The following HYDIN variants were observed in gnomAD, a reference collection of about 807,000 sequenced individuals.
HYDIN encodes the protein HYDIN axonemal central pair apparatus protein.
A neutral mutation model predicts 403.9 loss-of-function variants in HYDIN; 132 were observed. The ratio of observed to expected loss-of-function variants is 0.33; its 90% CI spans 0.28 to 0.38. The LOEUF (loss-of-function observed/expected upper bound fraction) is 0.38, where lower values mean the gene tolerates loss of function less well. Among genes scored for constraint, HYDIN ranks in the 10% least tolerant of loss-of-function variants. The pLI is 1.00. For synonymous variants in HYDIN, 1,202 were observed against 1,891.7 expected, an observed-to-expected ratio of 0.64 and a Z score of 9.46; for missense variants, 2,827 against 5,009.5, an observed-to-expected ratio of 0.56 and a Z score of 13.15.
At chr16:71,001,959 G>C (rs1426507256) in intron 23 of HYDIN, among the ~76,000 whole-genome samples, 1 of 152,232 alleles carries the variant, frequency 6.6e-6, no homozygotes, top group Non-Finnish European at 1.5e-5. Context: ...GATTACTAAT[G>C]AGGTGGAACA....
chr16:71,209,061 C>A (rs2088446503), intron 1 of HYDIN, among the ~76,000 whole-genome samples: 1 of 151,932 alleles, frequency 6.6e-6, no homozygotes, highest in Admixed American at 6.6e-5. Context: ...CAGCATCATC[C>A]TGATACCAAA....
chr16:70,956,607 A>C (rs1290263850), intron 39 of HYDIN, among the ~76,000 whole-genome samples: 2 of 152,132 alleles, frequency 1.3e-5, no homozygotes, highest in Non-Finnish European at 2.9e-5. Flanking sequence ...TCAACCATGG[A>C]AGTAGCAGGA....
chr16:70,837,785 G>A lies in HYDIN; in HGVS notation c.13147C>T (p.Arg4383Ter). ...AGTTCTTGATAGTTGATACTTTCTC[G>A]AGGATAAAAAGTTATTGGAATCTCC... ...TLEIPITFYP[R>*]ESINYQELIP... The change falls in exon 77 of 86, where the codon CGA becomes TGA. Residue 4383 changes from arginine (R) to a stop codon, truncating the protein, a stop_gained. Transcript: ENST00000393567. LOFTEE classifies it high-confidence loss of function. 1.9e-6 allele frequency: 3 copies of A among 1,613,898 alleles called. No individual in the cohort carries two copies. Among genetic ancestry groups the A allele is most frequent in the East Asian group, 2.2e-5 (1 of 44,880 alleles).
rs2041246430 is a variant in HYDIN at position 71,230,664 on chromosome 16, C to T, written c.-126G>A. ...CGCCGCTGAGGGGCTCCATACCCAG[C>T]TTGAAGCCGCCCGCACTCTCCATGC... On this transcript the variant is annotated 5_prime_UTR_variant, in exon 1 of 86. Transcript: ENST00000393567. The T allele has an allele frequency of 6.5e-7, 1 of 1,536,118 alleles. No homozygotes were observed. The highest frequency in any genetic ancestry group is 2.0e-5 in the Admixed American group (1 of 50,998).
chr16:70,851,289 A>G (rs2038635442), intron 73 of HYDIN, among the ~76,000 whole-genome samples: 1 of 150,792 alleles, frequency 6.6e-6, no homozygotes, highest in Non-Finnish European at 1.5e-5. Flanking sequence ...AAAAAATGCA[A>G]CCTACAGAAT....
At chr16:70,829,504 G>T in intron 81 of HYDIN, 114 bp downstream of exon 81, 2 of 779,696 alleles carry the variant, frequency 2.6e-6, no homozygotes, top group Middle Eastern at 3.7e-4. Context: ...AAAGTGCTGG[G>T]ATTACAGGCA....
At chr16:71,209,966 C>T (rs549796034) in intron 1 of HYDIN, among the ~76,000 whole-genome samples, 1 of 152,164 alleles carries the variant, frequency 6.6e-6, no homozygotes, top group Non-Finnish European at 1.5e-5. Flanking sequence ...CTGCCCAAAG[C>T]AATTTATAGA....
intron 36 of HYDIN, among the ~76,000 whole-genome samples, chr16:70,966,769 G>T (rs1160973425): frequency 6.6e-6 from 1 of 152,196 alleles, no homozygotes; most frequent in Non-Finnish European, 1.5e-5. Flanking sequence ...TCATTCCCAT[G>T]ATCTCTGCCT....
intron 19 of HYDIN, among the ~76,000 whole-genome samples, chr16:71,028,410 G>C (rs926212813): frequency 5.9e-5 from 9 of 151,936 alleles, no homozygotes; most frequent in African/African-American, 1.9e-4. Flanking sequence ...GTGCTTTAAA[G>C]ATGTTGCAAT....
At chr16:70,857,666 C>G (rs1243178266) in intron 72 of HYDIN, 39 bp downstream of exon 72, 1 of 1,226,016 alleles carries the variant, frequency 8.2e-7, no homozygotes, top group Non-Finnish European at 1.1e-6. Context: ...TTGCCCAGAT[C>G]ATGCCAACTC....
At chr16:71,222,475 G>A (rs988612250) in intron 1 of HYDIN, among the ~76,000 whole-genome samples, 1 of 152,074 alleles carries the variant, frequency 6.6e-6, no homozygotes, top group South Asian at 2.1e-4. Flanking sequence ...AATACTGGAA[G>A]TCCTAGCCAG....
chr16:70,891,459 G>T (rs1022968830), intron 57 of HYDIN, among the ~76,000 whole-genome samples, 187 bp downstream of exon 57: 13 of 152,386 alleles, frequency 8.5e-5, no homozygotes, highest in African/African-American at 2.6e-4. Context: ...AAAGCGCTGC[G>T]ATTACAGGTG....
At chr16:70,834,785 T>C (rs1405087171) in intron 78 of HYDIN, among the ~76,000 whole-genome samples, 12 of 150,888 alleles carry the variant, frequency 8.0e-5, no homozygotes, top group Admixed American at 2.0e-4. Flanking sequence ...GAGGTGGAGA[T>C]TGCAGTGAGC....
At chr16:70,913,019 CTTCTT>C (rs546692157) in intron 47 of HYDIN, among the ~76,000 whole-genome samples, 128 of 151,944 alleles carry the variant, frequency 8.4e-4, no homozygotes, top group African/African-American at 2.9e-3. Flanking sequence ...ATTTTTCTCT[CTTCTT>C]TTCTTGGTTA....
At chr16:70,817,984 T>G (rs2035953713) in intron 84 of HYDIN, among the ~76,000 whole-genome samples, 1 of 152,168 alleles carries the variant, frequency 6.6e-6, no homozygotes, top group Non-Finnish European at 1.5e-5. Context: ...TCAAGTGATC[T>G]GCCGTCCCTG....
rs368389810 is a variant in HYDIN, at chr16:70,874,809, A to G, written c.10660+8T>C. On this transcript the variant is annotated splice_region_variant and intron_variant, in intron 63 of 85. Transcript: ENST00000393567. ...ATTGCCCTCTAGAAGCACCCTCCCC[A>G]CACTTACCTTTTACATGTGGTTTAT... 2.8e-5 allele frequency: 45 copies of G among 1,612,328 alleles called. No homozygotes were observed. In the African/African-American group the frequency reaches 5.9e-4, roughly 21 times the overall value.
At position 70,974,563 on chromosome 16, in the gene HYDIN, T is replaced by A; in HGVS notation, c.4880A>T (p.His1627Leu). 2 of 1,605,902 alleles carry A rather than the reference T, an allele frequency of 1.2e-6. No individual in the cohort carries two copies. The highest frequency in any genetic ancestry group is 1.7e-6 in the Non-Finnish European group (2 of 1,175,550). The change falls in exon 32 of 86, where the codon CAT becomes CTT. Residue 1627 changes from histidine to leucine, a missense_variant. Physicochemically the swap from His to Leu is moderately conservative, Grantham distance 99. Transcript: ENST00000393567. ...CTCATGAAGGACACGCTTGTCTGCA[T>A]GGAATGACACTGGAAAGTGACTGGT... ...INTSHFPVSF[H>L]ADKRVLHETG...
rs746158959 is a variant in HYDIN at position 70,892,395 on chromosome 16, A to T, written c.9383T>A (p.Val3128Glu). 2.5e-6 allele frequency: 4 copies of T among 1,577,964 alleles called. No homozygotes were observed. Among genetic ancestry groups the T allele is most frequent in the Non-Finnish European group, 3.4e-6 (4 of 1,164,396 alleles). Residue 3128 changes from valine (V) to glutamate (E), a missense_variant, in exon 56 of 86, where the codon GTG (valine) becomes GAG (glutamate). Physicochemically the swap from Val to Glu is moderately radical, Grantham distance 121 (BLOSUM62 -2). Coordinates refer to ENST00000393567, the MANE Select transcript of HYDIN (RefSeq NM_001270974.2). The stretch of plus-strand genomic sequence containing the variant: ...CAGAACAGGCTGGTGCTCAATCTTC[A>T]CTTCCTTTTTTGCATGGAAGAAAAC... ...VQVFFHAKKEVKIEHQPVLRC... is the reference protein window; with the variant it reads ...VQVFFHAKKEEKIEHQPVLRC...
At chr16:70,956,708 A>C (rs548174986) in intron 39 of HYDIN, among the ~76,000 whole-genome samples, 1 of 152,316 alleles carries the variant, frequency 6.6e-6, no homozygotes, top group Non-Finnish European at 1.5e-5. Context: ...AAGCTAGAAG[A>C]GACAAGGAAA....
Sources: allele counts gnomAD v4.1 joint callset (sites outside exome capture counted in the v4.1 genomes callset), GRCh38; gene constraint gnomAD v4.1.1; transcripts MANE v1.5; gene names NCBI Gene and HGNC (gene_info 2026-07-23, HGNC 2026-07-21).